Variants in GAS7 observed in about 807,000 individuals in gnomAD.
GAS7 encodes the protein growth arrest-specific protein 7.
A neutral mutation model predicts 71.1 loss-of-function variants in GAS7; 28 were observed. The ratio of observed to expected loss-of-function variants is 0.39; its 90% CI spans 0.29 to 0.54. The LOEUF is 0.54. GAS7 is among the 20% of genes least tolerant of loss of function. The probability of loss-of-function intolerance (pLI) is 0.62; values close to 1 mark genes in which losing one functional copy is unlikely to be tolerated. For missense variants in GAS7, 436 were observed against 627.8 expected (o/e 0.69, Z 3.27); for synonymous variants, 258 against 245.8 (o/e 1.05, Z -0.46).
chr17:10,109,223 G>A (rs2073787394), intron 1 of GAS7, among the ~76,000 whole-genome samples: 1 of 152,108 alleles, frequency 6.6e-6, no homozygotes. Context: ...ATTGCTAACA[G>A]GCATATAAAA....
At chr17:10,148,462 A>T (rs2142104635) in intron 1 of GAS7, among the ~76,000 whole-genome samples, 1 of 151,692 alleles carries the variant, frequency 6.6e-6, no homozygotes, top group East Asian at 1.9e-4. Flanking sequence ...TACAAAAAAA[A>T]AAAAAATTAG....
intron 1 of GAS7, among the ~76,000 whole-genome samples, chr17:10,186,558 C>T (rs2074455416): frequency 6.6e-6 from 1 of 151,942 alleles, no homozygotes; most frequent in Admixed American, 6.6e-5. Flanking sequence ...CATGTGCCAC[C>T]AAGCCAGGCC....
intron 1 of GAS7, among the ~76,000 whole-genome samples, chr17:10,055,396 G>A (rs1306212659): frequency 6.6e-6 from 1 of 152,170 alleles, no homozygotes; most frequent in Non-Finnish European, 1.5e-5. Flanking sequence ...TCCTCACTCT[G>A]CCCACAGAAG....
At chr17:10,157,550 C>T (rs2074214753) in intron 1 of GAS7, among the ~76,000 whole-genome samples, 1 of 152,200 alleles carries the variant, frequency 6.6e-6, no homozygotes, top group African/African-American at 2.4e-5. Flanking sequence ...GAGCATCATG[C>T]TTGGAAATTT....
At chr17:10,016,966 TA>T (rs199925021) in intron 2 of GAS7, among the ~76,000 whole-genome samples, 2 of 111,920 alleles carry the variant, frequency 1.8e-5, no homozygotes, top group African/African-American at 3.4e-5. Context: ...ATAAAAAATA[TA>T]AAAAAATAAA....
intron 1 of GAS7, among the ~76,000 whole-genome samples, chr17:10,049,129 G>T (rs569056070): frequency 2.2e-4 from 34 of 152,328 alleles, no homozygotes; most frequent in African/African-American, 8.2e-4. Flanking sequence ...ACTCTGCTGG[G>T]AGGATCCAGA....
chr17:10,195,087 A>G (rs1200007801), intron 1 of GAS7, among the ~76,000 whole-genome samples: 4 of 152,098 alleles, frequency 2.6e-5, no homozygotes, highest in Admixed American at 1.3e-4. Context: ...CCTTGGGCCT[A>G]CCAGAGACCT....
chr17:9,928,919 G>A (rs548060298), intron 9 of GAS7, among the ~76,000 whole-genome samples: 10 of 152,194 alleles, frequency 6.6e-5, no homozygotes, highest in Non-Finnish European at 7.3e-5. Flanking sequence ...CTGGATGACC[G>A]TCACAGACTA....
rs2067581738 is a variant in GAS7, at chr17:9,916,350, G to A, written c.*878C>T. 1 of 233,310 alleles carries A rather than the reference G, an allele frequency of 4.3e-6. No individual in the cohort carries two copies. The highest frequency in any genetic ancestry group is 8.5e-6 in the Non-Finnish European group (1 of 118,112). 14.5% of individuals were successfully genotyped at this position (233,310 alleles called of 1,614,324 possible). A position where few individuals can be genotyped will look rare whatever the true frequency, so the allele number is the denominator to read the frequency against. ...GCCCCAGCTTGCTGGCCTCTGAGAC[G>A]AGCTGGTTTGTTTCCATCCCTGAAG... On this transcript the variant is annotated 3_prime_UTR_variant, in exon 14 of 14. Transcript: ENST00000432992.
At chr17:9,972,124 G>A (rs150513404) in intron 3 of GAS7, among the ~76,000 whole-genome samples, 24 of 152,340 alleles carry the variant, frequency 1.6e-4, no homozygotes, top group African/African-American at 4.8e-4. Flanking sequence ...TACAGTAGAA[G>A]CTTGAGGGAA....
intron 2 of GAS7, among the ~76,000 whole-genome samples, chr17:10,009,518 C>T (rs907746184): frequency 2.6e-5 from 4 of 151,872 alleles, no homozygotes; most frequent in African/African-American, 9.7e-5. Context: ...AAACATAACA[C>T]ATTTATAGAT....
intron 1 of GAS7, among the ~76,000 whole-genome samples, chr17:10,023,103 G>A (rs1046130722): frequency 1.3e-5 from 2 of 152,244 alleles, no homozygotes; most frequent in African/African-American, 4.8e-5. Context: ...CCCTGATACT[G>A]AGCCGTGAAG....
intron 1 of GAS7, among the ~76,000 whole-genome samples, chr17:10,043,519 G>A (rs115857280): frequency 0.042 from 6,457 of 152,236 alleles, 458 homozygotes; most frequent in African/African-American, 0.15. Flanking sequence ...CTGACTAGAA[G>A]CCTTAGCGAT....
intron 1 of GAS7, among the ~76,000 whole-genome samples, chr17:10,046,735 CAA>C (rs1178498141): frequency 8.2e-5 from 2 of 24,282 alleles, no homozygotes; most frequent in African/African-American, 2.2e-4. Flanking sequence ...GACTCTGTCT[CAA>C]AAAAAAAAAA....
intron 1 of GAS7, chr17:10,027,021 C>T (rs1405948919): frequency 6.6e-6 from 1 of 152,158 alleles, no homozygotes; most frequent in Admixed American, 6.6e-5. Flanking sequence ...AGTCTTCACC[C>T]AGTAGTTATG....
intron 1 of GAS7, among the ~76,000 whole-genome samples, chr17:10,041,463 C>T (rs1184637105): frequency 1.3e-5 from 2 of 152,200 alleles, no homozygotes; most frequent in Non-Finnish European, 1.5e-5. Context: ...CCCAGTAGGG[C>T]CCCCAGCCAA....
chr17:10,079,866 C>T (rs1008637179), intron 1 of GAS7, among the ~76,000 whole-genome samples: 6 of 152,142 alleles, frequency 3.9e-5, no homozygotes, highest in East Asian at 1.9e-4. Flanking sequence ...AAAAAATACA[C>T]CACGCACAAT....
chr17:9,940,658 C>A (rs1597492306), intron 7 of GAS7, among the ~76,000 whole-genome samples: 1 of 152,214 alleles, frequency 6.6e-6, no homozygotes, highest in Non-Finnish European at 1.5e-5. Context: ...CAGAACATCT[C>A]CCTACTGTCT....
chr17:9,976,970 C>T (rs766426002), intron 3 of GAS7, among the ~76,000 whole-genome samples: 11 of 152,150 alleles, frequency 7.2e-5, no homozygotes, highest in Non-Finnish European at 1.0e-4. Context: ...AATATGATTT[C>T]CAGGACTGGA....
Sources: allele counts gnomAD v4.1 joint callset (sites outside exome capture counted in the v4.1 genomes callset), GRCh38; gene constraint gnomAD v4.1.1; transcripts MANE v1.5; gene names NCBI Gene and HGNC (gene_info 2026-07-23, HGNC 2026-07-21).